NBPF12: variants seen among roughly 807,000 people sequenced by gnomAD.
NBPF12 encodes the protein NBPF member 12.
A neutral mutation model predicts 146.4 loss-of-function variants in NBPF12; 115 were observed. That is an observed-to-expected ratio of 0.79 (90% CI 0.68 to 0.92). NBPF12 has a LOEUF of 0.92. Among genes scored for constraint, NBPF12 ranks in the 40% least tolerant of loss-of-function variants. The probability of loss-of-function intolerance (pLI) is 0.00; values close to 1 mark genes in which losing one functional copy is unlikely to be tolerated. For synonymous variants in NBPF12, 385 were observed against 508.9 expected, an observed-to-expected ratio of 0.76 and a Z score of 3.28; for missense variants, 1,205 against 1,326.8, an observed-to-expected ratio of 0.91 and a Z score of 1.43.
rs1170420550 is a variant in NBPF12 at position 146,954,389 on chromosome 1, CAAAAAAA to C, written c.-184+2918_-184+2924del. 2.3e-3 allele frequency among the ~76,000 whole-genome samples: 55 copies of C among 24,030 alleles called. No individual in the cohort carries two copies. In the East Asian group the frequency reaches 0.029, roughly 13 times the overall value. The allele number at this position is 24,030 out of a possible 152,430, so 15.8% of individuals were successfully genotyped here. A position where few individuals can be genotyped will look rare whatever the true frequency, so the allele number is the denominator to read the frequency against. On this transcript the variant is annotated intron_variant, in intron 2 of 33. Transcript: ENST00000617844. The stretch of plus-strand genomic sequence containing the variant: ...TGGGTAACAGAGCAAGACTCTGTCT[CAAAAAAA>C]AAAAAAAAAAAAAAAAAGGAAAGTC...
At chr1:146,971,961 G>C (rs1351947608) in intron 13 of NBPF12, among the ~76,000 whole-genome samples, 1 of 149,074 alleles carries the variant, frequency 6.7e-6, no homozygotes, top group Non-Finnish European at 1.5e-5. Flanking sequence ...GGTGTTGGGT[G>C]CCTGTAGTCT....
At chr1:146,981,640 GA>G (rs1657402688) in intron 19 of NBPF12, among the ~76,000 whole-genome samples, 1 of 151,874 alleles carries the variant, frequency 6.6e-6, no homozygotes, top group Admixed American at 6.6e-5. Context: ...ATAATATCCT[GA>G]AGAATGTTTC....
Position 146,971,166 on chromosome 1 carries a change from C to G in NBPF12, c.1380-17C>G. ...GTGTTTAATCTTCTGTCATCTCTGTCCCACCTGGCTCATCAGGGAGATGCA... is the reference window on the plus strand; with the variant it reads ...GTGTTTAATCTTCTGTCATCTCTGTGCCACCTGGCTCATCAGGGAGATGCA... On this transcript the variant is annotated splice_polypyrimidine_tract_variant and intron_variant, in intron 12 of 33. Coordinates refer to ENST00000617844, the Ensembl canonical transcript of NBPF12. 1 of 1,610,926 alleles carries G rather than the reference C, an allele frequency of 6.2e-7. No homozygotes were observed. Among genetic ancestry groups the G allele is most frequent in the Admixed American group, 1.7e-5 (1 of 59,970 alleles).
At chr1:146,992,557 T>C (rs1226675940) in intron 31 of NBPF12, among the ~76,000 whole-genome samples, 155 bp from the exon 35 acceptor site, 4 of 141,752 alleles carry the variant, frequency 2.8e-5, no homozygotes, top group Non-Finnish European at 4.6e-5. Context: ...GGCCCTGTTC[T>C]GTCCCAACAT....
At chr1:146,943,687 A>T in intron 2 of NBPF12, 125 bp downstream of exon 2, 1 of 590,306 alleles carries the variant, frequency 1.7e-6, no homozygotes, top group Non-Finnish European at 2.3e-6. Context: ...CATCAAACAG[A>T]TATTAAATAA....
intron 6 of NBPF12, 126 bp downstream of exon 9, chr1:146,963,435 A>G: frequency 6.3e-7 from 1 of 1,588,952 alleles, no homozygotes; most frequent in African/African-American, 1.3e-5. Flanking sequence ...TGGCCATGAC[A>G]TGATCAGGAC....
At chr1:146,970,853 C>G (rs1236237695) in intron 12 of NBPF12, 134 bp downstream of exon 15, 3 of 1,015,226 alleles carry the variant, frequency 3.0e-6, no homozygotes, top group Non-Finnish European at 4.7e-6. Context: ...TTCAACCCAG[C>G]TTAGACACAG....
chr1:146,969,962 C>T (rs1367101745), intron 11 of NBPF12, among the ~76,000 whole-genome samples: 5 of 150,518 alleles, frequency 3.3e-5, no homozygotes, highest in Admixed American at 2.0e-4. Context: ...TAGTAAGTGT[C>T]GGTGAGTGAG....
exon 4 of NBPF12, chr1:146,960,228 G>A (rs1436547406): frequency 4.1e-6 from 5 of 1,232,834 alleles, no homozygotes; most frequent in Non-Finnish European, 4.7e-6. Context: ...CCCCCAGTTG[G>A]CAGAGAACAA....
intron 1 of NBPF12, among the ~76,000 whole-genome samples, chr1:146,941,145 A>G (rs1175400634): frequency 2.0e-5 from 3 of 151,130 alleles, no homozygotes; most frequent in Non-Finnish European, 4.4e-5. Context: ...GTGCAGTGGT[A>G]CAATCACAGC....
At chr1:146,980,721 G>A (rs1466025766) in intron 19 of NBPF12, among the ~76,000 whole-genome samples, 51 of 150,680 alleles carry the variant, frequency 3.4e-4, no homozygotes, top group African/African-American at 1.2e-3. Flanking sequence ...AGGCAGTGTG[G>A]CAATTCCTCA....
intron 23 of NBPF12, among the ~76,000 whole-genome samples, chr1:146,986,051 A>G (rs1191887144): frequency 4.3e-4 from 65 of 149,618 alleles, no homozygotes; most frequent in African/African-American, 9.4e-4. Context: ...ATCACTGTTC[A>G]CTGTGTGTCC....
At chr1:146,954,881 C>T (rs1388421333) in intron 2 of NBPF12, among the ~76,000 whole-genome samples, 6 of 102,996 alleles carry the variant, frequency 5.8e-5, no homozygotes, top group African/African-American at 2.2e-4. Context: ...GTATACACAC[C>T]CACACACACA....
chr1:146,972,370 C>T lies in NBPF12; in HGVS notation c.1592-381C>T, dbSNP rs1208751488. Among the ~76,000 whole-genome samples, 6 of 147,622 alleles carry T rather than the reference C, an allele frequency of 4.1e-5. No individual in the cohort carries two copies. In the East Asian group the frequency reaches 5.9e-4, roughly 15 times the overall value. On this transcript the variant is annotated intron_variant, in intron 13 of 33. Coordinates refer to ENST00000617844, the Ensembl canonical transcript of NBPF12. Reference sequence around the variant, plus strand: ...GATTGTGCCTCTGCACTGCAGCCTGCGTGACAGAGTGAGACGCCGTCTCAA... The same window carrying T: ...GATTGTGCCTCTGCACTGCAGCCTGTGTGACAGAGTGAGACGCCGTCTCAA...
At chr1:146,978,248 G>C (rs1254761419) in intron 18 of NBPF12, among the ~76,000 whole-genome samples, 2 of 135,574 alleles carry the variant, frequency 1.5e-5, no homozygotes, top group African/African-American at 2.7e-5. Context: ...ATGTTTGTTT[G>C]TAGCGTCGTA....
chr1:146,971,294 C>T, exon 13 of NBPF12: 2 of 1,612,316 alleles, frequency 1.2e-6, no homozygotes, highest in Non-Finnish European at 1.7e-6. Context: ...CTCACAAGAA[C>T]ATCAAAATCA....
chr1:146,973,957 G>A (rs1302153087), intron 14 of NBPF12, among the ~76,000 whole-genome samples: 1 of 150,880 alleles, frequency 6.6e-6, no homozygotes, highest in Non-Finnish European at 1.5e-5. Context: ...CCATGGGCCT[G>A]TCTCCTGGGC....
intron 1 of NBPF12, among the ~76,000 whole-genome samples, chr1:146,950,180 T>A (rs1655267866): frequency 6.6e-6 from 1 of 151,862 alleles, no homozygotes; most frequent in Non-Finnish European, 1.5e-5. Context: ...CCAGATTTCA[T>A]GTCATTAAAG....
intron 13 of NBPF12, among the ~76,000 whole-genome samples, chr1:146,972,540 G>T (rs1159742077): frequency 6.6e-6 from 1 of 151,644 alleles, no homozygotes; most frequent in Admixed American, 6.6e-5. Flanking sequence ...GAAAAGTGTA[G>T]AAGTGTTTAT....
Sources: allele counts gnomAD v4.1 joint callset (sites outside exome capture counted in the v4.1 genomes callset), GRCh38; gene constraint gnomAD v4.1.1; transcripts MANE v1.5; gene names NCBI Gene and HGNC (gene_info 2026-07-23, HGNC 2026-07-21).